Variants in SLC27A6 observed in about 807,000 individuals in gnomAD.
SLC27A6 encodes solute carrier family 27 member 6.
SLC27A6 carries 74 observed loss-of-function variants against 63.9 expected under a neutral mutation model. That is an observed-to-expected ratio of 1.16 (90% CI 0.96 to 1.40). The LOEUF is 1.40. SLC27A6 is among the 40% of genes most tolerant of loss of function. The probability of loss-of-function intolerance (pLI) is 0.00; values close to 1 mark genes in which losing one functional copy is unlikely to be tolerated. For missense variants in SLC27A6, 794 were observed against 732.9 expected, an observed-to-expected ratio of 1.08 and a Z score of -0.96; for synonymous variants, 287 against 260.8, an observed-to-expected ratio of 1.10 and a Z score of -0.97.
At chr5:129,009,302 G>C (rs1751645930) in intron 4 of SLC27A6, among the ~76,000 whole-genome samples, 1 of 152,080 alleles carries the variant, frequency 6.6e-6, no homozygotes, top group African/African-American at 2.4e-5. Flanking sequence ...GACATTTTTA[G>C]TTATTACTTA....
At chr5:129,019,696 A>T (rs1334709042) in intron 5 of SLC27A6, among the ~76,000 whole-genome samples, 2 of 152,018 alleles carry the variant, frequency 1.3e-5, no homozygotes, top group Non-Finnish European at 2.9e-5. Flanking sequence ...AAATGTAAAT[A>T]TTACACAAAT....
At chr5:128,970,574 C>G (rs10073130) in intron 1 of SLC27A6, among the ~76,000 whole-genome samples, 1 of 151,826 alleles carries the variant, frequency 6.6e-6, no homozygotes, top group Non-Finnish European at 1.5e-5. Context: ...CTCTGATGGT[C>G]GTTTGCATTT....
intron 8 of SLC27A6, 67 bp from the exon 9 acceptor site, chr5:129,029,510 T>G (rs536400410): frequency 9.5e-7 from 1 of 1,053,664 alleles, no homozygotes; most frequent in Admixed American, 2.5e-5. Context: ...CCAATTAGCA[T>G]GTACAGAATT....
chr5:128,968,413 T>C (rs1749995499), intron 1 of SLC27A6, among the ~76,000 whole-genome samples: 1 of 152,132 alleles, frequency 6.6e-6, no homozygotes. Flanking sequence ...CCACATCCTC[T>C]CCCGCACCTA....
chr5:128,990,383 T>C lies in SLC27A6; in HGVS notation c.888T>C (p.Phe296=), dbSNP rs765965263. 8 of 1,614,056 alleles carry C rather than the reference T, an allele frequency of 5.0e-6. No individual in the cohort carries two copies. In the South Asian group the frequency reaches 6.6e-5, roughly 13 times the overall value. Reference sequence around the variant, plus strand: ...AGAAGAAATTTTCAGCAAGCCAGTTTTGGAGTGACTGCAAGAAGTATGATG... The same window carrying C: ...AGAAGAAATTTTCAGCAAGCCAGTTCTGGAGTGACTGCAAGAAGTATGATG... ...VLKKKFSASQ[F]WSDCKKYDVT... is the part of the protein sequence containing the mutation. Residue 296 remains phenylalanine (F), a synonymous_variant, in exon 4 of 10, where the codon TTT becomes TTC. Coordinates refer to ENST00000262462, the MANE Select transcript of SLC27A6 (RefSeq NM_001017372.3).
chr5:128,993,995 C>T (rs536978926), intron 4 of SLC27A6, among the ~76,000 whole-genome samples: 1 of 151,812 alleles, frequency 6.6e-6, no homozygotes, highest in African/African-American at 2.4e-5. Context: ...CATGGGGAAA[C>T]GATCTGTACT....
chr5:128,983,289 G>GATTTT (rs1241719309), intron 1 of SLC27A6, among the ~76,000 whole-genome samples: 1 of 111,108 alleles, frequency 9.0e-6, no homozygotes, highest in African/African-American at 3.4e-5. Flanking sequence ...TCTGATCCGG[G>GATTTT]TTTTTTTTTT....
intron 1 of SLC27A6, among the ~76,000 whole-genome samples, chr5:128,978,035 C>T (rs1426777817): frequency 6.6e-6 from 1 of 152,030 alleles, no homozygotes; most frequent in Non-Finnish European, 1.5e-5. Flanking sequence ...ATAAGTTTCC[C>T]AGAGAAATTT....
intron 5 of SLC27A6, among the ~76,000 whole-genome samples, chr5:129,021,494 G>C (rs1384967147): frequency 1.3e-5 from 2 of 152,144 alleles, no homozygotes; most frequent in African/African-American, 4.8e-5. Flanking sequence ...AAATCTCCCA[G>C]GGCCAATGCA....
At chr5:128,998,544 G>A (rs933231905) in intron 4 of SLC27A6, among the ~76,000 whole-genome samples, 1 of 151,692 alleles carries the variant, frequency 6.6e-6, no homozygotes, top group African/African-American at 2.4e-5. Context: ...ATTTTATAGT[G>A]GCTTGTCACA....
Position 128,976,193 on chromosome 5 carries a change from C to T in SLC27A6, c.482-8940C>T, listed in dbSNP as rs569061556. 2.4e-4 allele frequency among the ~76,000 whole-genome samples: 36 copies of T among 152,212 alleles called. 1 individual carries two copies. In the East Asian group the frequency reaches 3.3e-3, roughly 14 times the overall value. On this transcript the variant is annotated intron_variant, in intron 1 of 9. Coordinates refer to ENST00000262462, the MANE Select transcript of SLC27A6 (RefSeq NM_001017372.3). ...CACATGAGCTATGTATTTTATCTAT[C>T]GGCATACATAACACTTTCTATAAAA...
intron 4 of SLC27A6, among the ~76,000 whole-genome samples, chr5:128,993,030 G>C (rs1010190990): frequency 1.3e-5 from 2 of 152,156 alleles, no homozygotes; most frequent in African/African-American, 4.8e-5. Flanking sequence ...TCATGCAATT[G>C]AGCTAATGTA....
At chr5:129,023,892 A>G (rs1030832697) in intron 6 of SLC27A6, among the ~76,000 whole-genome samples, 182 bp downstream of exon 6, 2 of 152,124 alleles carry the variant, frequency 1.3e-5, no homozygotes, top group Non-Finnish European at 2.9e-5. Context: ...ATCCTCCTGT[A>G]TACTTTAAAC....
Position 128,966,120 on chromosome 5 carries a change from T to A in SLC27A6, c.-18T>A, listed in dbSNP as rs756805979. 6 of 1,532,910 alleles carry A rather than the reference T, an allele frequency of 3.9e-6. No individual in the cohort carries two copies. The highest frequency in any genetic ancestry group is 4.4e-6 in the Non-Finnish European group (5 of 1,144,766). 95.0% of individuals were successfully genotyped at this position (1,532,910 alleles called of 1,614,324 possible). ...GTGGGGGCTGAGATCAGAGCTGTCTTCTGGCCCAGTTGCCCCCATGCTTCT... is the reference window on the plus strand; with the variant it reads ...GTGGGGGCTGAGATCAGAGCTGTCTACTGGCCCAGTTGCCCCCATGCTTCT... On this transcript the variant is annotated 5_prime_UTR_variant, in exon 1 of 10. Transcript: ENST00000262462.
At chr5:129,010,476 C>G (rs184909746) in intron 4 of SLC27A6, among the ~76,000 whole-genome samples, 1 of 152,254 alleles carries the variant, frequency 6.6e-6, no homozygotes, top group South Asian at 2.1e-4. Context: ...TCGTATCAGA[C>G]TTTAAAGCAG....
At position 128,985,162 on chromosome 5, in the gene SLC27A6, C is replaced by T. The variant is rs1213095826; in HGVS notation, c.511C>T (p.Pro171Ser). Residue 171 changes from proline to serine, a missense_variant, in exon 2 of 10, where the codon CCA (proline) becomes TCA (serine). Pro to Ser is a moderately conservative substitution (Grantham distance 74, BLOSUM62 -1). Transcript: ENST00000262462. ...GCTTGGAACGGTAGAAGAAATCCTT[C>T]CAAGCCTCTCAGAAAATATCAGTGT... is the stretch of plus-strand genomic sequence containing the variant. ...DLLGTVEEIL[P>S]SLSENISVWG... 1.2e-6 allele frequency: 2 copies of T among 1,613,808 alleles called. No homozygotes were observed. The highest frequency in any genetic ancestry group is 1.7e-5 in the Admixed American group (1 of 60,002).
At chr5:128,974,980 G>T (rs1750326652) in intron 1 of SLC27A6, among the ~76,000 whole-genome samples, 1 of 152,138 alleles carries the variant, frequency 6.6e-6, no homozygotes. Context: ...TTTGGATTTT[G>T]CAGCTACAAC....
chr5:128,970,672 G>C (rs1201742634), intron 1 of SLC27A6, among the ~76,000 whole-genome samples: 2 of 151,968 alleles, frequency 1.3e-5, no homozygotes, highest in African/African-American at 4.8e-5. Context: ...AGTCTTGCTA[G>C]CAGTCTACCA....
intron 1 of SLC27A6, among the ~76,000 whole-genome samples, chr5:128,980,968 T>A (rs1363602260): frequency 6.6e-6 from 1 of 152,182 alleles, no homozygotes; most frequent in Non-Finnish European, 1.5e-5. Flanking sequence ...AAAATGTGAA[T>A]AAGATCTAAT....
Sources: gnomAD v4.1 joint callset for allele counts (sites outside exome capture counted in the v4.1 genomes callset) on GRCh38, gnomAD v4.1.1 for gene constraint, MANE v1.5 for transcripts, NCBI Gene and HGNC (gene_info 2026-07-23, HGNC 2026-07-21) for gene names.